The following UNC13B variants were observed in gnomAD, a reference collection of about 807,000 sequenced individuals.
UNC13B encodes the protein unc-13 homolog B.
In UNC13B, 144 loss-of-function variants were observed where a neutral mutation model predicts 211.0. The observed-to-expected ratio is 0.68, with a 90% CI of 0.60 to 0.78. The LOEUF (loss-of-function observed/expected upper bound fraction) is 0.78, where lower values mean the gene tolerates loss of function less well. Among genes scored for constraint, UNC13B ranks in the 30% least tolerant of loss-of-function variants. UNC13B has a pLI of 0.00. For missense variants in UNC13B, 1,777 were observed against 2,002.0 expected, an observed-to-expected ratio of 0.89 and a Z score of 2.14; for synonymous variants, 709 against 725.8, an observed-to-expected ratio of 0.98 and a Z score of 0.37.
At chr9:35,368,494 A>G (rs1564171741) in intron 12 of UNC13B, among the ~76,000 whole-genome samples, 1 of 152,110 alleles carries the variant, frequency 6.6e-6, no homozygotes, top group Non-Finnish European at 1.5e-5. Context: ...TGTCTTTGCT[A>G]TTGTGAATAA....
At chr9:35,371,632 T>G (rs1834131465) in intron 13 of UNC13B, among the ~76,000 whole-genome samples, 1 of 152,196 alleles carries the variant, frequency 6.6e-6, no homozygotes, top group African/African-American at 2.4e-5. Flanking sequence ...CTTTTTTTCC[T>G]CATCCTTTCT....
At chr9:35,353,725 AAG>A in intron 11 of UNC13B, 2 of 1,232,124 alleles carry the variant, frequency 1.6e-6, no homozygotes, top group South Asian at 4.1e-5. Flanking sequence ...AGAATGTTCT[AAG>A]AGAGAAAAGA....
chr9:35,271,159 G>C (rs941206975), intron 7 of UNC13B, among the ~76,000 whole-genome samples: 1 of 135,514 alleles, frequency 7.4e-6, no homozygotes, highest in Non-Finnish European at 1.6e-5. Context: ...AAAAAAAAAA[G>C]GACATTTCTC....
At chr9:35,244,919 C>T (rs748521192) in intron 6 of UNC13B, among the ~76,000 whole-genome samples, 1 of 152,144 alleles carries the variant, frequency 6.6e-6, no homozygotes, top group Non-Finnish European at 1.5e-5. Flanking sequence ...TCCGTTACCT[C>T]CTTTATTCTT....
At position 35,162,184 on chromosome 9, in the gene UNC13B, G is replaced by T. The variant is rs1173356822; in HGVS notation, c.-100G>T. On this transcript the variant is annotated 5_prime_UTR_variant, in exon 1 of 40. Coordinates refer to ENST00000635942, the MANE Select transcript of UNC13B (RefSeq NM_001371189.2). ...GGGACCATGAGGAGCTGCCAGACCCGTGGGGCCGGTAACGAGAGCAGTCGC... is the reference window on the plus strand; with the variant it reads ...GGGACCATGAGGAGCTGCCAGACCCTTGGGGCCGGTAACGAGAGCAGTCGC... 2.6e-6 allele frequency: 4 copies of T among 1,517,514 alleles called. No homozygotes were observed. Among genetic ancestry groups the T allele is most frequent in the Non-Finnish European group, 3.5e-6 (4 of 1,128,114 alleles). The allele number at this position is 1,517,514 out of a possible 1,614,324, so 94.0% of individuals were successfully genotyped here. A position where few individuals can be genotyped will look rare whatever the true frequency, so the allele number is the denominator to read the frequency against.
At chr9:35,394,377 C>T (rs1835739354) in intron 26 of UNC13B, among the ~76,000 whole-genome samples, 2 of 152,252 alleles carry the variant, frequency 1.3e-5, no homozygotes, top group East Asian at 3.9e-4. Flanking sequence ...GGGTGGATCA[C>T]CTGAGTTCAG....
chr9:35,307,954 A>T lies in UNC13B; in HGVS notation c.8550A>T (p.Lys2850Asn). The T allele has an allele frequency of 5.0e-6, 2 of 399,058 alleles. No individual in the cohort carries two copies. Among genetic ancestry groups the T allele is most frequent in the Non-Finnish European group, 8.8e-6 (2 of 226,116 alleles). The allele number at this position is 399,058 out of a possible 1,614,324, so 24.7% of individuals were successfully genotyped here. A position where few individuals can be genotyped will look rare whatever the true frequency, so the allele number is the denominator to read the frequency against. Residue 2850 changes from lysine to asparagine, a missense_variant, in exon 9 of 40, where the codon AAA (lysine) becomes AAT (asparagine). Lys to Asn is a moderately conservative substitution (Grantham distance 94, BLOSUM62 0). Transcript: ENST00000635942. ...DLSFPWPKEN[K>N]GVPEQMPTES... The stretch of plus-strand genomic sequence containing the variant: ...CATTTCCATGGCCAAAAGAGAACAA[A>T]GGGGTCCCTGAACAAATGCCTACAG...
chr9:35,269,987 G>C (rs1019320054), intron 7 of UNC13B, among the ~76,000 whole-genome samples: 1 of 151,842 alleles, frequency 6.6e-6, no homozygotes, highest in African/African-American at 2.4e-5. Context: ...GCCTATGGGT[G>C]TTCCTTTTAA....
chr9:35,244,760 G>T (rs1312468100), intron 6 of UNC13B, among the ~76,000 whole-genome samples: 1 of 152,108 alleles, frequency 6.6e-6, no homozygotes, highest in East Asian at 1.9e-4. Flanking sequence ...TATCTGCAGA[G>T]ACCTTGTTTC....
In UNC13B at chr9:35,301,655, C is replaced by G; in HGVS notation, c.2251C>G (p.Leu751Val). ...TTCTGCAAGTAAAAATGATGAGAGT[C>G]TATTGGAAGAAAAACTCTGTATAGA... Reference protein sequence around the residue: ...VSSASKNDESLLEEKLCIDLS... With the variant: ...VSSASKNDESVLEEKLCIDLS... The change falls in exon 9 of 40, where the codon CTA becomes GTA. Residue 751 changes from leucine (L) to valine (V), a missense_variant. Transcript: ENST00000635942. 2.5e-6 allele frequency: 1 copy of G among 398,764 alleles called. No individual in the cohort carries two copies. The highest frequency in any genetic ancestry group is 4.4e-6 in the Non-Finnish European group (1 of 225,908). 24.7% of individuals were successfully genotyped at this position (398,764 alleles called of 1,614,324 possible). A position where few individuals can be genotyped will look rare whatever the true frequency, so the allele number is the denominator to read the frequency against.
chr9:35,223,355 T>G (rs574504851), intron 1 of UNC13B, among the ~76,000 whole-genome samples: 2 of 152,224 alleles, frequency 1.3e-5, no homozygotes, highest in African/African-American at 2.4e-5. Context: ...GGCCAGCATC[T>G]GTTATATTTT....
intron 1 of UNC13B, among the ~76,000 whole-genome samples, chr9:35,163,816 T>C (rs951429400): frequency 6.6e-6 from 1 of 152,240 alleles, no homozygotes; most frequent in Non-Finnish European, 1.5e-5. Context: ...TCTTTCCTTT[T>C]TAATGTTACT....
chr9:35,382,468 T>C lies in UNC13B; in HGVS notation c.10767T>C (p.Asn3589=), dbSNP rs200818602. 6.8e-6 allele frequency: 11 copies of C among 1,614,048 alleles called. No homozygotes were observed. Among genetic ancestry groups the C allele is most frequent in the Non-Finnish European group, 9.3e-6 (11 of 1,180,028 alleles). The change falls in exon 21 of 40, where the codon AAT becomes AAC. Residue 3589 remains asparagine, a synonymous_variant. Transcript: ENST00000635942. The part of the protein sequence containing the change: ...AYYAHTTAST[N]VSASDRFAAS... ...ATGCCCACACAACTGCCTCTACCAA[T>C]GTCTCTGCATCTGATCGCTTTGCAG...
intron 7 of UNC13B, among the ~76,000 whole-genome samples, chr9:35,260,071 G>A (rs191877870): frequency 0.01 from 1,099 of 108,124 alleles, 23 homozygotes; most frequent in African/African-American, 0.035. Context: ...AAAACCAAGT[G>A]TGATGGCATG....
intron 1 of UNC13B, among the ~76,000 whole-genome samples, chr9:35,171,401 C>G (rs1404598758): frequency 6.6e-6 from 1 of 152,118 alleles, no homozygotes; most frequent in Non-Finnish European, 1.5e-5. Context: ...CATGCCTGGT[C>G]TCAAGTATAG....
chr9:35,177,577 G>A (rs10465027), intron 1 of UNC13B, among the ~76,000 whole-genome samples: 94,192 of 152,066 alleles, frequency 0.62, 29,510 homozygotes, highest in East Asian at 0.88. Context: ...CTATTGTATA[G>A]TAACTTTTAC....
At chr9:35,264,569 A>G (rs903634790) in intron 7 of UNC13B, among the ~76,000 whole-genome samples, 3 of 152,176 alleles carry the variant, frequency 2.0e-5, no homozygotes, top group African/African-American at 7.2e-5. Context: ...AGGTTCTAGA[A>G]GACTGGACCA....
At chr9:35,401,429 T>G (rs184441556) in intron 37 of UNC13B, among the ~76,000 whole-genome samples, 101 of 152,208 alleles carry the variant, frequency 6.6e-4, no homozygotes, top group African/African-American at 2.4e-3. Flanking sequence ...AGTGGACAGG[T>G]AGAACTTTTA....
chr9:35,398,657 A>G lies in UNC13B; in HGVS notation c.11921+15A>G. On this transcript the variant is annotated intron_variant, in intron 32 of 39. Transcript: ENST00000635942. ...TTTGGAAACAGGTCAGTGACCCCACAATACAAGGCCCTCAGAGCCAGATGT... is the reference window on the plus strand; with the variant it reads ...TTTGGAAACAGGTCAGTGACCCCACGATACAAGGCCCTCAGAGCCAGATGT... The G allele has an allele frequency of 1.2e-6, 2 of 1,613,572 alleles. No homozygotes were observed. Among genetic ancestry groups the G allele is most frequent in the Non-Finnish European group, 1.7e-6 (2 of 1,179,812 alleles).
Sources: allele counts gnomAD v4.1 joint callset (sites outside exome capture counted in the v4.1 genomes callset), GRCh38; gene constraint gnomAD v4.1.1; transcripts MANE v1.5; gene names NCBI Gene and HGNC (gene_info 2026-07-23, HGNC 2026-07-21).